The following SBF2 variants were observed in gnomAD, a reference collection of about 807,000 sequenced individuals.
SBF2 encodes the protein SET binding factor 2.
In SBF2, 112 loss-of-function variants were observed where a neutral mutation model predicts 225.2. The ratio of observed to expected loss-of-function variants is 0.50; its 90% confidence interval spans 0.43 to 0.58. SBF2 has a LOEUF of 0.58. Ranked by LOEUF, SBF2 falls within the 20% of genes least tolerant of loss-of-function variation. SBF2 has a pLI of 0.00. For missense variants in SBF2, 1,996 were observed against 2,206.2 expected (o/e 0.90, Z 1.91); for synonymous variants, 763 against 773.3 (o/e 0.99, Z 0.22).
intron 9 of SBF2, among the ~76,000 whole-genome samples, chr11:9,997,974 G>C (rs1422601601): frequency 6.6e-6 from 1 of 152,198 alleles, no homozygotes; most frequent in African/African-American, 2.4e-5. Flanking sequence ...TCAAGGCAGA[G>C]CCTTGTTTTC....
chr11:10,104,444 G>C (rs937820652), intron 2 of SBF2, among the ~76,000 whole-genome samples: 3 of 152,162 alleles, frequency 2.0e-5, no homozygotes, highest in African/African-American at 4.8e-5. Context: ...AGCAGCAATC[G>C]GCAATCAGAG....
intron 17 of SBF2, among the ~76,000 whole-genome samples, chr11:9,874,952 T>C (rs574832722): frequency 5.2e-4 from 79 of 152,318 alleles, no homozygotes; most frequent in African/African-American, 1.8e-3. Context: ...AAAAACAGCA[T>C]TGTAAGCTGA....
intron 33 of SBF2, among the ~76,000 whole-genome samples, chr11:9,792,827 A>G (rs1852837235): frequency 6.6e-6 from 1 of 150,480 alleles, no homozygotes; most frequent in South Asian, 2.1e-4. Flanking sequence ...ATCTCGGCTC[A>G]CTGCAGCCTT....
intron 29 of SBF2, among the ~76,000 whole-genome samples, chr11:9,816,231 G>A (rs1854449545): frequency 1.3e-5 from 2 of 152,172 alleles, no homozygotes; most frequent in African/African-American, 4.8e-5. Flanking sequence ...TCAGCATGGT[G>A]AAGCTCTTTA....
In SBF2 at chr11:9,780,105, G is replaced by GT. The variant is rs775976231; in HGVS notation, c.*312dup. Reference sequence around the variant, plus strand: ...ATAGCTTTCATGAAGAAGGACCCAAGTAGGTGGTAGCCATTTTGCCTGGGT... The same window carrying GT: ...ATAGCTTTCATGAAGAAGGACCCAAGTTAGGTGGTAGCCATTTTGCCTGGGT... On this transcript the variant is annotated 3_prime_UTR_variant, in exon 40 of 40. Transcript: ENST00000256190. 4.4e-5 allele frequency: 17 copies of GT among 387,598 alleles called. No homozygotes were observed. The highest frequency in any genetic ancestry group is 7.9e-5 in the Non-Finnish European group (16 of 203,338). 24.0% of individuals were successfully genotyped at this position (387,598 alleles called of 1,614,324 possible). A position where few individuals can be genotyped will look rare whatever the true frequency, so the allele number is the denominator to read the frequency against.
chr11:10,063,858 C>CAGAGAGAGAGAGAGAGAGAG (rs1555006975), intron 2 of SBF2, among the ~76,000 whole-genome samples: 71 of 136,202 alleles, frequency 5.2e-4, no homozygotes, highest in South Asian at 2.2e-3. Flanking sequence ...CACACACACA[C>CAGAGAGAGAGAGAGAGAGAG]AGAGAGAGAG....
chr11:10,169,343 C>A (rs886427795), intron 2 of SBF2, among the ~76,000 whole-genome samples: 5 of 152,134 alleles, frequency 3.3e-5, no homozygotes, highest in African/African-American at 1.2e-4. Flanking sequence ...CCACACTACC[C>A]TTCCCAGCAT....
chr11:10,240,263 A>C lies in SBF2; in HGVS notation c.56-46276T>G, dbSNP rs980985038. ...ATATGCATACAATTAAAAGAACAAAAAAAAAAAAAAAACAGGATAACCTGT... is the reference window on the plus strand; with the variant it reads ...ATATGCATACAATTAAAAGAACAAACAAAAAAAAAAAACAGGATAACCTGT... On this transcript the variant is annotated intron_variant, in intron 1 of 39. Coordinates refer to ENST00000256190, the MANE Select transcript of SBF2 (RefSeq NM_030962.4). Among the ~76,000 whole-genome samples, 86 of 150,426 alleles carry C rather than the reference A, an allele frequency of 5.7e-4. 1 individual carries two copies. The highest frequency in any genetic ancestry group is 3.4e-3 in the Middle Eastern group (1 of 292).
chr11:9,869,438 C>T (rs1858527885), intron 17 of SBF2, among the ~76,000 whole-genome samples: 1 of 152,118 alleles, frequency 6.6e-6, no homozygotes, highest in African/African-American at 2.4e-5. Context: ...CGTGCCTCAG[C>T]CTCCCGAGTA....
intron 13 of SBF2, among the ~76,000 whole-genome samples, chr11:9,971,193 A>G (rs1009597719): frequency 6.6e-6 from 1 of 151,994 alleles, no homozygotes; most frequent in Non-Finnish European, 1.5e-5. Context: ...TTATAATAAA[A>G]ATTAAAACTC....
intron 1 of SBF2, among the ~76,000 whole-genome samples, chr11:10,288,563 TGCTGTCTGC>T (rs1963948145): frequency 1.3e-5 from 2 of 152,200 alleles, no homozygotes; most frequent in Admixed American, 1.3e-4. Flanking sequence ...CTGGTTGTCC[TGCTGTCTGC>T]AGCTCTCAGC....
rs146173988 is a variant in SBF2, at chr11:10,291,389, C to T, written c.55+2626G>A. On this transcript the variant is annotated intron_variant, in intron 1 of 39. Transcript: ENST00000256190. ...CAGACACTGAATCTGTCAGAGTCTTCATCTTGGATTTCTCTGCCTCCAGAC... is the reference window on the plus strand; with the variant it reads ...CAGACACTGAATCTGTCAGAGTCTTTATCTTGGATTTCTCTGCCTCCAGAC... Among the ~76,000 whole-genome samples, 26 of 152,274 alleles carry T rather than the reference C, an allele frequency of 1.7e-4. No homozygotes were observed. The East Asian group carries it at 2.9e-3, about 17-fold the overall frequency.
chr11:10,293,941 C>T, intron 1 of SBF2, 74 bp downstream of exon 1: 17 of 1,144,958 alleles, frequency 1.5e-5, no homozygotes, highest in Non-Finnish European at 1.8e-5. Context: ...CCCCGACGCC[C>T]GGCCCCGCGG....
chr11:9,967,200 T>C (rs1866967885), intron 14 of SBF2, among the ~76,000 whole-genome samples: 1 of 151,906 alleles, frequency 6.6e-6, no homozygotes, highest in African/African-American at 2.4e-5. Context: ...TGAAACCCCG[T>C]CTCTACTAAA....
At chr11:10,042,821 T>G (rs750744098) in intron 3 of SBF2, 23 bp downstream of exon 3, 1 of 1,612,846 alleles carries the variant, frequency 6.2e-7, no homozygotes, top group African/African-American at 1.3e-5. Context: ...CGACTGTACT[T>G]TAGCTAGTAA....
At chr11:10,158,690 A>C (rs952904074) in intron 2 of SBF2, among the ~76,000 whole-genome samples, 20 of 152,202 alleles carry the variant, frequency 1.3e-4, no homozygotes, top group African/African-American at 4.8e-4. Context: ...ATAAAAAGCC[A>C]TATAAAGACT....
chr11:9,864,110 T>C (rs1857985901), intron 17 of SBF2, among the ~76,000 whole-genome samples: 1 of 152,212 alleles, frequency 6.6e-6, no homozygotes, highest in South Asian at 2.1e-4. Flanking sequence ...TTTAGGATAT[T>C]ATGCTCATTA....
At chr11:9,785,936 G>A (rs183670685) in intron 36 of SBF2, among the ~76,000 whole-genome samples, 2 of 152,174 alleles carry the variant, frequency 1.3e-5, no homozygotes, top group Admixed American at 1.3e-4. Flanking sequence ...GCATGATCTC[G>A]GCTTACTGCA....
intron 16 of SBF2, among the ~76,000 whole-genome samples, chr11:9,949,125 G>C (rs1865718702): frequency 6.6e-6 from 1 of 152,130 alleles, no homozygotes; most frequent in Admixed American, 6.5e-5. Context: ...GGAGGGGGGA[G>C]AAGAAAGGTA....
Sources: gnomAD v4.1 joint callset for allele counts (sites outside exome capture counted in the v4.1 genomes callset) on GRCh38, gnomAD v4.1.1 for gene constraint, MANE v1.5 for transcripts, NCBI Gene and HGNC (gene_info 2026-07-23, HGNC 2026-07-21) for gene names.